The following WDFY4 variants were observed in gnomAD, a reference collection of about 807,000 sequenced individuals.
The protein encoded by WDFY4 is WDFY family member 4.
WDFY4 carries 169 observed loss-of-function variants against 351.9 expected under a neutral mutation model. The observed-to-expected ratio is 0.48, with a 90% CI of 0.42 to 0.55. The LOEUF (loss-of-function observed/expected upper bound fraction) is 0.55, where lower values mean the gene tolerates loss of function less well. Among genes scored for constraint, WDFY4 ranks in the 20% least tolerant of loss-of-function variants. The probability of loss-of-function intolerance (pLI) is 0.00; values close to 1 mark genes in which losing one functional copy is unlikely to be tolerated. For synonymous variants in WDFY4, 1,622 were observed against 1,574.6 expected (o/e 1.03, Z -0.71); for missense variants, 3,803 against 3,935.6 (o/e 0.97, Z 0.90).
intron 24 of WDFY4, among the ~76,000 whole-genome samples, chr10:48,797,639 T>C (rs2066919244): frequency 6.6e-6 from 1 of 152,224 alleles, no homozygotes; most frequent in Non-Finnish European, 1.5e-5. Context: ...TAATATTCTG[T>C]TATGCTGAGA....
chr10:48,812,480 G>A (rs556497738), intron 30 of WDFY4, among the ~76,000 whole-genome samples: 75 of 151,996 alleles, frequency 4.9e-4, no homozygotes, highest in African/African-American at 1.7e-3. Context: ...GTGACCCACC[G>A]CACCCGGCCC....
chr10:48,824,978 G>C (rs2133021456), intron 35 of WDFY4, among the ~76,000 whole-genome samples: 1 of 152,136 alleles, frequency 6.6e-6, no homozygotes, highest in East Asian at 1.9e-4. Context: ...CAAGTTCCAG[G>C]GTACATGTGC....
chr10:48,867,419 CT>C, intron 40 of WDFY4, 77 bp downstream of exon 40: 3 of 955,650 alleles, frequency 3.1e-6, no homozygotes, highest in Non-Finnish European at 1.4e-6. Flanking sequence ...TTGGAAGGGC[CT>C]TTGGTTTACG....
At chr10:48,953,327 T>TCACA (rs1303775956) in intron 51 of WDFY4, among the ~76,000 whole-genome samples, 1 of 118,898 alleles carries the variant, frequency 8.4e-6, no homozygotes, top group African/African-American at 3.2e-5. Flanking sequence ...TCTCTCTCTC[T>TCACA]CTCTCTCACA....
intron 41 of WDFY4, among the ~76,000 whole-genome samples, chr10:48,874,072 T>G (rs1477389699): frequency 1.3e-5 from 2 of 152,226 alleles, no homozygotes; most frequent in Non-Finnish European, 2.9e-5. Context: ...TCGCACAAGT[T>G]ACTTGTTATT....
At chr10:48,970,718 T>C (rs1411297096) in intron 57 of WDFY4, among the ~76,000 whole-genome samples, 1 of 152,228 alleles carries the variant, frequency 6.6e-6, no homozygotes, top group African/African-American at 2.4e-5. Flanking sequence ...TTTTAGCTTA[T>C]TGACAGCCCT....
chr10:48,725,076 C>T (rs967812686), intron 5 of WDFY4, among the ~76,000 whole-genome samples: 15 of 152,194 alleles, frequency 9.9e-5, no homozygotes, highest in African/African-American at 3.6e-4. Context: ...AGAGAAATGG[C>T]AATGCAAGCC....
At chr10:48,762,931 GGT>G (rs1356864416) in intron 13 of WDFY4, among the ~76,000 whole-genome samples, 1 of 152,214 alleles carries the variant, frequency 6.6e-6, no homozygotes, top group Non-Finnish European at 1.5e-5. Flanking sequence ...TTCTGTGAGG[GGT>G]GACAGGTGTG....
chr10:48,906,457 A>G (rs530544950), intron 47 of WDFY4, among the ~76,000 whole-genome samples: 1 of 152,360 alleles, frequency 6.6e-6, no homozygotes, highest in South Asian at 2.1e-4. Flanking sequence ...CCAATGGTAC[A>G]GGACTGAACC....
intron 32 of WDFY4, among the ~76,000 whole-genome samples, chr10:48,818,321 A>G (rs183971792): frequency 8.5e-4 from 129 of 152,356 alleles, no homozygotes; most frequent in Admixed American, 6.5e-3. Flanking sequence ...TGGTTGCTCC[A>G]TAAACATTTG....
At chr10:48,905,990 A>G (rs1589845861) in intron 47 of WDFY4, among the ~76,000 whole-genome samples, 1 of 152,166 alleles carries the variant, frequency 6.6e-6, no homozygotes, top group African/African-American at 2.4e-5. Flanking sequence ...CAGGAGCTCC[A>G]GGGTGGGAAG....
At chr10:48,810,809 CCTT>C in intron 29 of WDFY4, 74 bp downstream of exon 29, 1 of 1,400,980 alleles carries the variant, frequency 7.1e-7, no homozygotes, top group South Asian at 1.5e-5. Flanking sequence ...AAGCCAGGCC[CCTT>C]CTTATTTGAG....
intron 7 of WDFY4, among the ~76,000 whole-genome samples, chr10:48,728,120 A>T (rs2064329909): frequency 6.6e-6 from 1 of 152,186 alleles, no homozygotes; most frequent in Admixed American, 6.5e-5. Flanking sequence ...CCCCAGAAGG[A>T]TTAGCTCCAG....
chr10:48,940,184 C>A (rs937687295), intron 47 of WDFY4, among the ~76,000 whole-genome samples: 5 of 152,218 alleles, frequency 3.3e-5, no homozygotes, highest in Non-Finnish European at 7.3e-5. Flanking sequence ...GCCTTAAGAG[C>A]AGCCTACCCT....
chr10:48,780,086 C>G lies in WDFY4; in HGVS notation c.3543C>G (p.Thr1181=), dbSNP rs534453303. The change falls in exon 19 of 62, where the codon ACC becomes ACG. Residue 1181 remains threonine (T), a synonymous_variant. Transcript: ENST00000325239. ...TGAAAAGGCATTGTACAGTTTCCAC[C>G]TGTCTGGATGGACAGGTCATTGGCT... ...KEMKRHCTVS[T]CLDGQVIGSA... 249 of 1,552,078 alleles carry G rather than the reference C, an allele frequency of 1.6e-4. 5 individuals carry two copies. In the South Asian group the frequency reaches 2.8e-3, roughly 17 times the overall value.
At chr10:48,923,134 T>C (rs932447985) in intron 47 of WDFY4, among the ~76,000 whole-genome samples, 25 of 152,160 alleles carry the variant, frequency 1.6e-4, no homozygotes, top group African/African-American at 5.6e-4. Flanking sequence ...TTGTCCCACG[T>C]TGGAAGTCTG....
intron 47 of WDFY4, chr10:48,913,286 G>C: frequency 1.9e-6 from 2 of 1,061,760 alleles, no homozygotes; most frequent in Non-Finnish European, 2.7e-6. Context: ...GGCTGAAAGA[G>C]CTGCTGCAGC....
Position 48,822,397 on chromosome 10 carries a change from C to A in WDFY4, c.5842C>A (p.Pro1948Thr). ...CTCCACAGACGGCAAAGAGCCTCAG[C>A]CAAGTGCAGAAGCTGCTGCTGCCCC... Reference protein sequence around the residue: ...AMFRDGKEPQPSAEAAAAPSL... With the variant: ...AMFRDGKEPQTSAEAAAAPSL... Residue 1948 changes from proline (P) to threonine (T), a missense_variant, in exon 35 of 62, where the codon CCA (proline) becomes ACA (threonine). Pro to Thr is a conservative substitution (Grantham distance 38). Around this residue, in one of 3 missense-constraint regions of WDFY4, gnomAD observed 3,054 missense variants for 3,148.6 expected, o/e 0.97. Coordinates refer to ENST00000325239, the MANE Select transcript of WDFY4 (RefSeq NM_001394531.1). The A allele has an allele frequency of 6.5e-7, 1 of 1,547,758 alleles. No homozygotes were observed.
At chr10:48,901,199 C>T (rs117916759) in intron 46 of WDFY4, among the ~76,000 whole-genome samples, 566 of 152,356 alleles carry the variant, frequency 3.7e-3, no homozygotes, top group Non-Finnish European at 5.6e-3. Context: ...TCAGGTGAGC[C>T]TGCTCATGCG....
Sources: gnomAD v4.1 joint callset for allele counts (sites outside exome capture counted in the v4.1 genomes callset) on GRCh38, gnomAD v4.1.1 for gene constraint, gnomAD v4.1.1 regional missense constraint, MANE v1.5 for transcripts, NCBI Gene and HGNC (gene_info 2026-07-23, HGNC 2026-07-21) for gene names.